F13A1: variants seen among roughly 807,000 people sequenced by gnomAD.
The protein encoded by F13A1 is FSF, A subunit.
In F13A1, 47 loss-of-function variants were observed where a neutral mutation model predicts 80.1. That is an observed-to-expected ratio of 0.59 (90% CI 0.46 to 0.75). The LOEUF (loss-of-function observed/expected upper bound fraction) is 0.75, where lower values mean the gene tolerates loss of function less well. Among genes scored for constraint, F13A1 ranks in the 30% least tolerant of loss-of-function variants. The pLI, the probability that F13A1 is intolerant of heterozygous loss-of-function variation, is 0.00. For synonymous variants in F13A1, 349 were observed against 344.9 expected, an observed-to-expected ratio of 1.01 and a Z score of -0.13; for missense variants, 817 against 930.4, an observed-to-expected ratio of 0.88 and a Z score of 1.59.
At position 6,285,487 on chromosome 6, in the gene F13A1, T is replaced by A. The variant is rs144124620; in HGVS notation, c.320-18678A>T. On this transcript the variant is annotated intron_variant, in intron 3 of 14. Coordinates refer to ENST00000264870, the MANE Select transcript of F13A1 (RefSeq NM_000129.4). ...AGCATCCCAATGGCTAAGCTAGGCT[T>A]TAGCCAGAGATGGGCAGCACATTTA... Among the ~76,000 whole-genome samples the A allele has an allele frequency of 3.3e-5, 5 of 152,352 alleles. No individual in the cohort carries two copies. In the East Asian group the frequency reaches 9.6e-4, roughly 29 times the overall value.
intron 8 of F13A1, among the ~76,000 whole-genome samples, chr6:6,212,468 C>A (rs1326351834): frequency 1.3e-5 from 2 of 152,224 alleles, no homozygotes; most frequent in African/African-American, 4.8e-5. Flanking sequence ...AGCTGAGGGT[C>A]CTGTCTGTTA....
chr6:6,318,737 AT>A, intron 1 of F13A1, 55 bp from the exon 2 acceptor site: 2 of 1,566,602 alleles, frequency 1.3e-6, no homozygotes, highest in Non-Finnish European at 8.7e-7. Context: ...AGTGAGTAAC[AT>A]TTGAGACAAG....
At chr6:6,238,561 G>A (rs953610801) in intron 6 of F13A1, among the ~76,000 whole-genome samples, 2 of 151,862 alleles carry the variant, frequency 1.3e-5, no homozygotes, top group Non-Finnish European at 2.9e-5. Context: ...CTTAAAATAT[G>A]CCATTTATAA....
intron 8 of F13A1, among the ~76,000 whole-genome samples, chr6:6,208,132 G>T (rs562322466): frequency 6.6e-6 from 1 of 152,204 alleles, no homozygotes; most frequent in African/African-American, 2.4e-5. Flanking sequence ...TATGTTCAAA[G>T]AACTGAAGGG....
chr6:6,247,872 A>G lies in F13A1; in HGVS notation c.798+440T>C, dbSNP rs74561312. On this transcript the variant is annotated intron_variant, in intron 6 of 14. Transcript: ENST00000264870. ...GTGACACATCCTTGTGACAGGAGTT[A>G]GGATGAGATGTAGCCATTCATTTCT... Among the ~76,000 whole-genome samples the G allele has an allele frequency of 2.4e-3, 371 of 152,374 alleles. 1 individual carries two copies. Among genetic ancestry groups the G allele is most frequent in the Non-Finnish European group, 3.9e-3 (265 of 68,032 alleles).
intron 13 of F13A1, among the ~76,000 whole-genome samples, chr6:6,158,661 A>G (rs1760519621): frequency 6.6e-6 from 1 of 152,146 alleles, no homozygotes; most frequent in African/African-American, 2.4e-5. Context: ...AGTGCGATGG[A>G]GCCACAGAGA....
chr6:6,174,915 A>G (rs757578348), intron 11 of F13A1, 48 bp from the exon 12 acceptor site: 3 of 1,610,506 alleles, frequency 1.9e-6, no homozygotes, highest in Non-Finnish European at 8.5e-7. Flanking sequence ...AATCCACCAG[A>G]GAGAAAGTCA....
intron 9 of F13A1, among the ~76,000 whole-genome samples, chr6:6,196,696 C>G (rs952424807): frequency 4.6e-5 from 7 of 152,098 alleles, no homozygotes; most frequent in African/African-American, 1.7e-4. Flanking sequence ...TTATAAAAAT[C>G]TGGGGGAGGT....
intron 13 of F13A1, among the ~76,000 whole-genome samples, chr6:6,156,145 A>G (rs6912210): frequency 0.2 from 30,753 of 152,132 alleles, 3,253 homozygotes; most frequent in Middle Eastern, 0.28. Context: ...TCAATATTCT[A>G]TTGAAAATAT....
chr6:6,155,351 C>G (rs1409122678), intron 13 of F13A1, among the ~76,000 whole-genome samples: 2 of 152,118 alleles, frequency 1.3e-5, no homozygotes, highest in African/African-American at 4.8e-5. Context: ...ATATGTCATG[C>G]CTAATCAGTT....
chr6:6,304,881 G>GA (rs1758489772), intron 3 of F13A1, among the ~76,000 whole-genome samples: 1 of 140,670 alleles, frequency 7.1e-6, no homozygotes, highest in Non-Finnish European at 1.5e-5. Context: ...AAAAAAAAAA[G>GA]GGTGATTAAA....
chr6:6,248,409 C>T lies in F13A1; in HGVS notation c.701G>A (p.Gly234Asp), dbSNP rs868164954. 2.5e-6 allele frequency: 4 copies of T among 1,613,166 alleles called. No homozygotes were observed. The highest frequency in any genetic ancestry group is 3.4e-6 in the Non-Finnish European group (4 of 1,179,518). ...CACATACAGGCAAGTGTCCAGGATGCCATCTTCAAACTATTTGGAGAAAGA... is the reference window on the plus strand; with the variant it reads ...CACATACAGGCAAGTGTCCAGGATGTCATCTTCAAACTATTTGGAGAAAGA... ...RSWSYGQFED[G>D]ILDTCLYVMD... is the part of the protein sequence containing the mutation. Residue 234 changes from glycine to aspartate, a missense_variant, in exon 6 of 15, where the codon GGC becomes GAC. Transcript: ENST00000264870.
chr6:6,291,072 A>T (rs1758218287), intron 3 of F13A1, among the ~76,000 whole-genome samples: 2 of 140,160 alleles, frequency 1.4e-5, no homozygotes, highest in South Asian at 4.6e-4. Flanking sequence ...AAGGGTACTC[A>T]TCTGCCCCTC....
intron 6 of F13A1, among the ~76,000 whole-genome samples, chr6:6,232,044 A>G (rs1757360169): frequency 6.6e-6 from 1 of 152,202 alleles, no homozygotes; most frequent in South Asian, 2.1e-4. Flanking sequence ...AAAAAACAAA[A>G]AAACCAAAGT....
In F13A1 at chr6:6,250,965, A is replaced by C. The variant is rs1462394510; in HGVS notation, c.572-36T>G. The C allele has an allele frequency of 7.1e-7, 1 of 1,416,078 alleles. No homozygotes were observed. The highest frequency in any genetic ancestry group is 1.0e-6 in the Non-Finnish European group (1 of 1,001,812). The allele number at this position is 1,416,078 out of a possible 1,614,324, so 87.7% of individuals were successfully genotyped here. A position where few individuals can be genotyped will look rare whatever the true frequency, so the allele number is the denominator to read the frequency against. On this transcript the variant is annotated intron_variant, in intron 4 of 14. Coordinates refer to ENST00000264870, the MANE Select transcript of F13A1 (RefSeq NM_000129.4). The surrounding 1 kb of genome is among the most constrained non-coding windows in gnomAD (Gnocchi z 4.2). ...GTTTAAACATAGTGACTATTACCAA[A>C]CCAGACTGTTTCCAAACACTTGCAA... is the stretch of plus-strand genomic sequence containing the variant.
chr6:6,253,065 A>C (rs544375559), intron 4 of F13A1, among the ~76,000 whole-genome samples: 1 of 146,482 alleles, frequency 6.8e-6, no homozygotes, highest in African/African-American at 2.5e-5. Flanking sequence ...AGGCTGAGGC[A>C]GGAGAATCGC....
chr6:6,209,318 A>G (rs565480651), intron 8 of F13A1, among the ~76,000 whole-genome samples: 1 of 138,824 alleles, frequency 7.2e-6, no homozygotes, highest in Non-Finnish European at 1.6e-5. Context: ...GGCTACAATA[A>G]TAATTAAAAA....
intron 10 of F13A1, among the ~76,000 whole-genome samples, chr6:6,190,952 A>G (rs1246649102): frequency 1.3e-5 from 2 of 152,172 alleles, no homozygotes; most frequent in African/African-American, 4.8e-5. Context: ...GCCCGTCGGA[A>G]AAGCGCAGTA....
chr6:6,226,004 T>A (rs1186690423), intron 6 of F13A1, among the ~76,000 whole-genome samples: 2 of 152,240 alleles, frequency 1.3e-5, no homozygotes, highest in African/African-American at 4.8e-5. Context: ...ACCTTCAGAC[T>A]ACATTCATCT....
Sources: allele counts gnomAD v4.1 joint callset (sites outside exome capture counted in the v4.1 genomes callset), GRCh38; gene constraint gnomAD v4.1.1; non-coding constraint Gnocchi (gnomAD v3.1); transcripts MANE v1.5; gene names NCBI Gene and HGNC (gene_info 2026-07-23, HGNC 2026-07-21).